The following C19orf47 variants were observed in gnomAD, a reference collection of about 807,000 sequenced individuals.
C19orf47 encodes uncharacterized protein C19orf47.
In C19orf47, 18 loss-of-function variants were observed where a neutral mutation model predicts 32.3. The observed-to-expected ratio is 0.56, with a 90% CI of 0.39 to 0.83. C19orf47 has a LOEUF of 0.83. Among genes scored for constraint, C19orf47 ranks in the 40% least tolerant of loss-of-function variants. The probability of loss-of-function intolerance (pLI) is 0.00; values close to 1 mark genes in which losing one functional copy is unlikely to be tolerated. For missense variants in C19orf47, 484 were observed against 531.6 expected (o/e 0.91, Z 0.88); for synonymous variants, 202 against 211.1 (o/e 0.96, Z 0.37).
Position 40,321,455 on chromosome 19 carries a change from T to G in C19orf47, c.*427A>C. ...GGCGCAGAGGAGTGAGGGAGGTCAG[T>G]GGGGAGTGGGGGAAGGGAGGCCCAC... is the stretch of plus-strand genomic sequence containing the variant. On this transcript the variant is annotated 3_prime_UTR_variant, in exon 9 of 9. Transcript: ENST00000683109. 3 of 1,001,926 alleles carry G rather than the reference T, an allele frequency of 3.0e-6. No individual in the cohort carries two copies. The highest frequency in any genetic ancestry group is 1.1e-4 in the East Asian group (1 of 9,298). 62.1% of individuals were successfully genotyped at this position (1,001,926 alleles called of 1,614,324 possible).
intron 1 of C19orf47, among the ~76,000 whole-genome samples, chr19:40,344,491 T>A (rs188610495): frequency 1.1e-3 from 167 of 151,544 alleles, no homozygotes; most frequent in South Asian, 2.7e-3. Context: ...AAAATAATAA[T>A]GAAATAAAAT....
chr19:40,348,334 G>A lies in C19orf47; in HGVS notation c.-44C>T. The A allele has an allele frequency of 3.9e-6, 5 of 1,291,936 alleles. No homozygotes were observed. Among genetic ancestry groups the A allele is most frequent in the South Asian group, 1.9e-5 (1 of 54,024 alleles). 80.0% of individuals were successfully genotyped at this position (1,291,936 alleles called of 1,614,324 possible). On this transcript the variant is annotated 5_prime_UTR_variant, in exon 1 of 9. Coordinates refer to ENST00000683109, the MANE Select transcript of C19orf47 (RefSeq NM_001256441.2). Reference sequence around the variant, plus strand: ...CGGCCCGCGCCTCACCTGGCCCACCGGGCCCGCGCCCACTCGCGCCGCCCG... The same window carrying A: ...CGGCCCGCGCCTCACCTGGCCCACCAGGCCCGCGCCCACTCGCGCCGCCCG...
chr19:40,303,889 G>C, the C19orf47 span, among the ~76,000 whole-genome samples: 2 of 148,960 alleles, frequency 1.3e-5, no homozygotes, highest in African/African-American at 5.0e-5. Context: ...AATTATCACT[G>C]CCTGCCCCTA....
At chr19:40,311,147 C>T in the C19orf47 span, among the ~76,000 whole-genome samples, 2 of 151,982 alleles carry the variant, frequency 1.3e-5, no homozygotes, top group Non-Finnish European at 2.9e-5. Context: ...GAGGCCGAGG[C>T]GGGCGGATCA....
the C19orf47 span, among the ~76,000 whole-genome samples, chr19:40,293,817 A>C: frequency 2.2e-4 from 33 of 152,166 alleles, no homozygotes; most frequent in African/African-American, 7.9e-4. Context: ...CCAGCCAAAG[A>C]ACTTAGAAGC....
chr19:40,311,694 C>G, the C19orf47 span, among the ~76,000 whole-genome samples: 7 of 152,132 alleles, frequency 4.6e-5, no homozygotes, highest in Middle Eastern at 3.4e-3. Flanking sequence ...CTTGCTGGGT[C>G]GCCCAGGCTA....
intron 1 of C19orf47, among the ~76,000 whole-genome samples, chr19:40,346,442 CAAAT>C (rs201362970): frequency 0.47 from 49,832 of 105,380 alleles, 12,200 homozygotes; most frequent in East Asian, 0.59. Flanking sequence ...GACCTTGTCT[CAAAT>C]AAATAAATAA....
intron 8 of C19orf47, among the ~76,000 whole-genome samples, chr19:40,322,659 G>A (rs903919492): frequency 3.3e-5 from 5 of 152,208 alleles, no homozygotes; most frequent in African/African-American, 9.6e-5. Flanking sequence ...CGGGAGTGCC[G>A]CACAAAGGGA....
rs374367380 is a variant in C19orf47 at position 40,322,519 on chromosome 19, C to A, written c.664-143G>T. 4.1e-5 allele frequency: 46 copies of A among 1,128,606 alleles called. No individual in the cohort carries two copies. In the East Asian group the frequency reaches 8.7e-4, roughly 21 times the overall value. The allele number at this position is 1,128,606 out of a possible 1,614,324, so 69.9% of individuals were successfully genotyped here. ...CTGACACCCCAGATAGTGGCGAGAGCCATGATGGGGGAGTCCAGGGGACTG... is the reference window on the plus strand; with the variant it reads ...CTGACACCCCAGATAGTGGCGAGAGACATGATGGGGGAGTCCAGGGGACTG... On this transcript the variant is annotated intron_variant, in intron 8 of 8. Coordinates refer to ENST00000683109, the MANE Select transcript of C19orf47 (RefSeq NM_001256441.2).
At chr19:40,312,251 G>C in the C19orf47 span, among the ~76,000 whole-genome samples, 1 of 151,798 alleles carries the variant, frequency 6.6e-6, no homozygotes, top group Non-Finnish European at 1.5e-5. Context: ...TGCTAGGTTA[G>C]AAAAGGCCAT....
At chr19:40,334,187 G>T (rs1000351266) in intron 4 of C19orf47, among the ~76,000 whole-genome samples, 4 of 152,106 alleles carry the variant, frequency 2.6e-5, no homozygotes, top group Admixed American at 2.6e-4. Context: ...GGTGGTTCAC[G>T]CCTGTAATCC....
At chr19:40,319,344 A>C (rs577302376), downstream of C19orf47, among the ~76,000 whole-genome samples, 3 of 152,176 alleles carry the variant, frequency 2.0e-5, no homozygotes, top group Non-Finnish European at 4.4e-5. Context: ...TTTTCACACA[A>C]TGAAAATAAA....
At chr19:40,348,056 A>C (rs938298059) in intron 1 of C19orf47, among the ~76,000 whole-genome samples, 4 of 152,148 alleles carry the variant, frequency 2.6e-5, no homozygotes, top group African/African-American at 9.7e-5. Context: ...AATACTAATA[A>C]TAATAGTATA....
At chr19:40,341,283 G>A (rs975300742) in intron 2 of C19orf47, among the ~76,000 whole-genome samples, 3 of 151,898 alleles carry the variant, frequency 2.0e-5, no homozygotes, top group African/African-American at 4.8e-5. Context: ...GCAGTGAGCC[G>A]AGATCGTGCC....
chr19:40,303,676 C>A, the C19orf47 span, among the ~76,000 whole-genome samples: 1 of 151,178 alleles, frequency 6.6e-6, no homozygotes, highest in Non-Finnish European at 1.5e-5. Flanking sequence ...TGGTGGCATG[C>A]GCCTGTAGTC....
At chr19:40,335,799 C>T (rs1389730561) in intron 4 of C19orf47, among the ~76,000 whole-genome samples, 4 of 152,176 alleles carry the variant, frequency 2.6e-5, no homozygotes, top group South Asian at 2.1e-4. Flanking sequence ...TTAGTACAGA[C>T]GGGGTTTCAC....
At chr19:40,333,751 C>T in intron 5 of C19orf47, 100 bp downstream of exon 5, 1 of 983,806 alleles carries the variant, frequency 1.0e-6, no homozygotes, top group East Asian at 2.9e-5. Flanking sequence ...TTTGTTTCTA[C>T]CTTTGAAAAT....
chr19:40,330,712 C>A (rs944691754), intron 5 of C19orf47, among the ~76,000 whole-genome samples: 6 of 151,904 alleles, frequency 3.9e-5, no homozygotes, highest in Admixed American at 6.6e-5. Flanking sequence ...TTTGTAGAGA[C>A]AGGGTCTCAC....
chr19:40,348,324 C>G lies in C19orf47; in HGVS notation c.-34G>C, dbSNP rs1249588647. The G allele has an allele frequency of 7.4e-7, 1 of 1,352,698 alleles. No individual in the cohort carries two copies. Among genetic ancestry groups the G allele is most frequent in the Non-Finnish European group, 9.5e-7 (1 of 1,056,014 alleles). The allele number at this position is 1,352,698 out of a possible 1,614,324, so 83.8% of individuals were successfully genotyped here. The stretch of plus-strand genomic sequence containing the variant: ...CCACCACCCCCGGCCCGCGCCTCAC[C>G]TGGCCCACCGGGCCCGCGCCCACTC... On this transcript the variant is annotated splice_region_variant and 5_prime_UTR_variant, in exon 1 of 9. Transcript: ENST00000683109.
Sources: gnomAD v4.1 joint callset for allele counts (sites outside exome capture counted in the v4.1 genomes callset) on GRCh38, gnomAD v4.1.1 for gene constraint, MANE v1.5 for transcripts, NCBI Gene and HGNC (gene_info 2026-07-23, HGNC 2026-07-21) for gene names.